The following SMAP1 variants were observed in gnomAD, a reference collection of about 807,000 sequenced individuals.
SMAP1 encodes stromal membrane-associated protein 1.
SMAP1 carries 24 observed loss-of-function variants against 58.5 expected under a neutral mutation model. The observed-to-expected ratio is 0.41, with a 90% CI of 0.30 to 0.58. The LOEUF is 0.58. Ranked by LOEUF, SMAP1 falls within the 20% of genes least tolerant of loss-of-function variation. The pLI, the probability that SMAP1 is intolerant of heterozygous loss-of-function variation, is 0.29. For missense variants in SMAP1, 563 were observed against 566.3 expected, an observed-to-expected ratio of 0.99 and a Z score of 0.06; for synonymous variants, 216 against 196.6, an observed-to-expected ratio of 1.10 and a Z score of -0.82.
intron 1 of SMAP1, among the ~76,000 whole-genome samples, chr6:70,730,035 A>C (rs1484903572): frequency 1.3e-5 from 2 of 152,124 alleles, no homozygotes; most frequent in African/African-American, 4.8e-5. Flanking sequence ...TCTAGAATTC[A>C]CTGTGCATTT....
At chr6:70,826,786 T>C (rs1048740793) in intron 6 of SMAP1, among the ~76,000 whole-genome samples, 1 of 151,546 alleles carries the variant, frequency 6.6e-6, no homozygotes, top group African/African-American at 2.4e-5. Flanking sequence ...AAAAATTAGT[T>C]GGGCATTGTG....
chr6:70,708,345 A>G (rs1003555186), intron 1 of SMAP1, among the ~76,000 whole-genome samples: 2 of 152,112 alleles, frequency 1.3e-5, no homozygotes, highest in Non-Finnish European at 2.9e-5. Flanking sequence ...TGTATACACC[A>G]TAATTTCTTT....
At chr6:70,845,330 G>A (rs997301107) in intron 7 of SMAP1, among the ~76,000 whole-genome samples, 5 of 152,202 alleles carry the variant, frequency 3.3e-5, no homozygotes, top group Non-Finnish European at 7.4e-5. Flanking sequence ...TTATAGTAGT[G>A]CAAGAGGGGG....
intron 6 of SMAP1, among the ~76,000 whole-genome samples, chr6:70,825,003 C>T (rs542192302): frequency 5.3e-5 from 8 of 152,270 alleles, no homozygotes; most frequent in African/African-American, 1.7e-4. Context: ...TAACCCTGCT[C>T]ACCCTGTCAT....
chr6:70,726,902 T>C (rs1371291969), intron 1 of SMAP1, among the ~76,000 whole-genome samples: 1 of 151,596 alleles, frequency 6.6e-6, no homozygotes, highest in African/African-American at 2.4e-5. Flanking sequence ...TGTGTGTGTG[T>C]GTGTGTGTGT....
intron 1 of SMAP1, among the ~76,000 whole-genome samples, chr6:70,696,064 T>G (rs1365685017): frequency 2.0e-5 from 3 of 152,176 alleles, no homozygotes; most frequent in Admixed American, 2.0e-4. Flanking sequence ...TATTGGCATA[T>G]AGTTTCTCAT....
intron 3 of SMAP1, among the ~76,000 whole-genome samples, chr6:70,755,622 G>A (rs772898534): frequency 3.9e-5 from 6 of 151,952 alleles, no homozygotes; most frequent in Non-Finnish European, 7.4e-5. Flanking sequence ...AACTTAGGAT[G>A]GGTTTACTGG....
intron 4 of SMAP1, among the ~76,000 whole-genome samples, chr6:70,788,220 T>C (rs1768159425): frequency 1.4e-5 from 2 of 146,222 alleles, no homozygotes; most frequent in African/African-American, 5.1e-5. Context: ...AAACACCACA[T>C]GTTCTCACTC....
chr6:70,842,048 C>T (rs1376509339), intron 7 of SMAP1, among the ~76,000 whole-genome samples: 4 of 152,166 alleles, frequency 2.6e-5, no homozygotes, highest in Admixed American at 2.0e-4. Flanking sequence ...CCTGGAAAAC[C>T]GCTGGTGTCC....
chr6:70,763,363 T>A (rs1341124485), intron 3 of SMAP1, among the ~76,000 whole-genome samples: 3 of 152,178 alleles, frequency 2.0e-5, no homozygotes, highest in Non-Finnish European at 4.4e-5. Context: ...TGGCAAATGT[T>A]ATAACAAAAT....
At chr6:70,757,635 A>G (rs1766553246) in intron 3 of SMAP1, among the ~76,000 whole-genome samples, 1 of 152,098 alleles carries the variant, frequency 6.6e-6, no homozygotes, top group Non-Finnish European at 1.5e-5. Flanking sequence ...CAGAGGGCTA[A>G]TATCCAGAAT....
intron 1 of SMAP1, among the ~76,000 whole-genome samples, chr6:70,702,768 C>T (rs1168710977): frequency 6.6e-6 from 1 of 151,808 alleles, no homozygotes; most frequent in Non-Finnish European, 1.5e-5. Context: ...GTAGCTGGGA[C>T]TACAGGTGCG....
At chr6:70,710,202 T>TA (rs1030591439) in intron 1 of SMAP1, among the ~76,000 whole-genome samples, 3 of 151,896 alleles carry the variant, frequency 2.0e-5, no homozygotes, top group East Asian at 1.9e-4. Context: ...CTATAAAAGA[T>TA]AAAAAACAGG....
chr6:70,720,096 T>TA (rs1417487303), intron 1 of SMAP1, among the ~76,000 whole-genome samples: 2 of 152,134 alleles, frequency 1.3e-5, no homozygotes, highest in Non-Finnish European at 2.9e-5. Flanking sequence ...TATGAGCATG[T>TA]AAAATAAAAT....
intron 2 of SMAP1, among the ~76,000 whole-genome samples, chr6:70,741,059 A>G (rs1582094125): frequency 3.9e-5 from 6 of 152,196 alleles, no homozygotes; most frequent in Admixed American, 3.9e-4. Context: ...TATGGGAGCT[A>G]CAATTCAAGA....
intron 2 of SMAP1, among the ~76,000 whole-genome samples, chr6:70,737,420 T>G (rs1321649415): frequency 6.6e-6 from 1 of 152,238 alleles, no homozygotes; most frequent in Non-Finnish European, 1.5e-5. Flanking sequence ...GTGCTGGAAT[T>G]ACTGGCATGA....
chr6:70,754,014 G>C (rs538599827), intron 2 of SMAP1, among the ~76,000 whole-genome samples: 9 of 152,126 alleles, frequency 5.9e-5, no homozygotes, highest in African/African-American at 2.2e-4. Context: ...GTGTATACTT[G>C]AGGGCTACAA....
intron 9 of SMAP1, 176 bp downstream of exon 9, chr6:70,857,206 G>C: frequency 1.9e-6 from 1 of 528,146 alleles, no homozygotes; most frequent in Non-Finnish European, 3.1e-6. Flanking sequence ...AAATTAAGAG[G>C]CATGTACAGG....
At chr6:70,846,206 CCCACAAAAGTAGGATCA>C (rs569903346) in intron 7 of SMAP1, among the ~76,000 whole-genome samples, 3,564 of 152,284 alleles carry the variant, frequency 0.023, 52 homozygotes, top group Non-Finnish European at 0.037. Flanking sequence ...TCACTTTTCT[CCCACAAAAGTAGGATCA>C]CCTGAACTAC....
Sources: allele counts gnomAD v4.1 joint callset (sites outside exome capture counted in the v4.1 genomes callset), GRCh38; gene constraint gnomAD v4.1.1; transcripts MANE v1.5; gene names NCBI Gene and HGNC (gene_info 2026-07-23, HGNC 2026-07-21).